The following WWOX variants were observed in gnomAD, a reference collection of about 807,000 sequenced individuals.
WWOX encodes the protein WW domain containing oxidoreductase, also known as WW domain-containing oxidoreductase.
A neutral mutation model predicts 46.2 loss-of-function variants in WWOX; 69 were observed. The ratio of observed to expected loss-of-function variants is 1.49; its 90% confidence interval spans 1.23 to 1.82. The LOEUF (loss-of-function observed/expected upper bound fraction) is 1.82. Ranked by LOEUF, WWOX falls within the 40% of genes most tolerant of loss-of-function variation. WWOX has a pLI of 0.00. For missense variants in WWOX, 919 were observed against 542.6 expected, an observed-to-expected ratio of 1.69 and a Z score of -6.89; for synonymous variants, 359 against 202.6, an observed-to-expected ratio of 1.77 and a Z score of -6.56.
intron 7 of WWOX, among the ~76,000 whole-genome samples, chr16:78,429,786 A>G (rs1002541560): frequency 6.6e-5 from 10 of 152,236 alleles, no homozygotes; most frequent in Admixed American, 3.3e-4. Flanking sequence ...ATTCGATATG[A>G]TAGCTTTACT....
In WWOX at chr16:78,129,278, TAC is replaced by T. The variant is rs2033491915; in HGVS notation, c.409+14128_409+14129del. Among the ~76,000 whole-genome samples, 4 of 148,176 alleles carry T rather than the reference TAC, an allele frequency of 2.7e-5. No homozygotes were observed. In the South Asian group the frequency reaches 8.6e-4, roughly 32 times the overall value. On this transcript the variant is annotated intron_variant, in intron 4 of 8. Coordinates refer to ENST00000566780, the MANE Select transcript of WWOX (RefSeq NM_016373.4). ...TGTTAGTGATTGACTTACCCGAGTG[TAC>T]ACATGTTTGCATCTCACTTGTATGT...
intron 1 of WWOX, among the ~76,000 whole-genome samples, chr16:78,102,590 G>C (rs938880760): frequency 6.6e-6 from 1 of 152,214 alleles, no homozygotes; most frequent in South Asian, 2.1e-4. Flanking sequence ...TTGGGGAAAG[G>C]CTCCTTCTCA....
At chr16:78,515,745 C>G (rs1251026709) in intron 8 of WWOX, among the ~76,000 whole-genome samples, 2 of 152,162 alleles carry the variant, frequency 1.3e-5, no homozygotes, top group Non-Finnish European at 2.9e-5. Context: ...GCGTGTTCAG[C>G]ACTTCTGCAA....
At chr16:78,821,453 G>C (rs1406372009) in intron 8 of WWOX, among the ~76,000 whole-genome samples, 1 of 152,152 alleles carries the variant, frequency 6.6e-6, no homozygotes, top group Non-Finnish European at 1.5e-5. Flanking sequence ...AAGTAGATGA[G>C]TTTCAGGATT....
chr16:78,551,144 A>G lies in WWOX; in HGVS notation c.1056+118392A>G, dbSNP rs530876249. 2.0e-3 allele frequency: 301 copies of G among 152,332 alleles called. 3 individuals carry two copies. The highest frequency in any genetic ancestry group is 6.7e-3 in the African/African-American group (278 of 41,586). The allele number at this position is 152,332 out of a possible 1,614,324, so 9.4% of individuals were successfully genotyped here. A position where few individuals can be genotyped will look rare whatever the true frequency, so the allele number is the denominator to read the frequency against. On this transcript the variant is annotated intron_variant, in intron 8 of 8. Coordinates refer to ENST00000566780, the MANE Select transcript of WWOX (RefSeq NM_016373.4). ...ATGAAACAGATATCCAGTATATTCC[A>G]TGAAACAAATATCATGAATTTATTC...
intron 8 of WWOX, among the ~76,000 whole-genome samples, chr16:78,918,715 G>C (rs1174197730): frequency 6.6e-6 from 1 of 152,104 alleles, no homozygotes; most frequent in Non-Finnish European, 1.5e-5. Flanking sequence ...CTCAGGCCCT[G>C]GAGGAATTTT....
chr16:78,749,340 G>T (rs1024721601), intron 8 of WWOX, among the ~76,000 whole-genome samples: 1 of 152,146 alleles, frequency 6.6e-6, no homozygotes, highest in Non-Finnish European at 1.5e-5. Context: ...TTTCAAGACA[G>T]CTGAAATTCA....
At chr16:78,618,998 C>G (rs1597356522) in intron 8 of WWOX, among the ~76,000 whole-genome samples, 1 of 149,570 alleles carries the variant, frequency 6.7e-6, no homozygotes, top group South Asian at 2.2e-4. Flanking sequence ...TTCCTCAACT[C>G]TTCATTTAAG....
At chr16:78,738,608 C>G (rs116785221) in intron 8 of WWOX, among the ~76,000 whole-genome samples, 1,537 of 152,298 alleles carry the variant, frequency 0.01, 23 homozygotes, top group African/African-American at 0.035. Context: ...AGTCCCTGAA[C>G]AGCCATTTAT....
chr16:78,501,167 G>A, intron 8 of WWOX, among the ~76,000 whole-genome samples: 1 of 85,846 alleles, frequency 1.2e-5, no homozygotes, highest in Non-Finnish European at 2.5e-5. Context: ...TGCAATACAT[G>A]TTTTTCTTTC....
At chr16:79,177,314 G>A (rs150172943) in intron 8 of WWOX, among the ~76,000 whole-genome samples, 2 of 152,088 alleles carry the variant, frequency 1.3e-5, no homozygotes, top group Admixed American at 6.6e-5. Context: ...TGCTCGCTTC[G>A]TTTCGGAGGA....
chr16:79,094,870 C>T (rs1403859095), intron 8 of WWOX, among the ~76,000 whole-genome samples: 1 of 152,100 alleles, frequency 6.6e-6, no homozygotes, highest in Non-Finnish European at 1.5e-5. Flanking sequence ...ACTGTGTCTA[C>T]CCCAGAGTGT....
At chr16:78,425,674 G>C (rs2083059034) in intron 7 of WWOX, among the ~76,000 whole-genome samples, 1 of 152,084 alleles carries the variant, frequency 6.6e-6, no homozygotes, top group African/African-American at 2.4e-5. Flanking sequence ...CAGCATATTT[G>C]TTTCTAGAGT....
At chr16:78,292,490 AG>A (rs770932778) in intron 5 of WWOX, among the ~76,000 whole-genome samples, 2 of 152,232 alleles carry the variant, frequency 1.3e-5, no homozygotes, top group Admixed American at 6.5e-5. Context: ...AACAGAGCCA[AG>A]TATTTTTTAT....
At chr16:79,032,755 CT>C (rs1567502128) in intron 8 of WWOX, among the ~76,000 whole-genome samples, 1 of 151,316 alleles carries the variant, frequency 6.6e-6, no homozygotes, top group African/African-American at 2.4e-5. Context: ...CAGGGTTCTT[CT>C]TTTTTTAAAA....
chr16:78,579,913 C>A (rs951177987), intron 8 of WWOX, among the ~76,000 whole-genome samples: 1 of 152,096 alleles, frequency 6.6e-6, no homozygotes, highest in Admixed American at 6.5e-5. Context: ...TCACTCCGAG[C>A]CATCGACTTC....
chr16:78,742,443 C>A (rs938075022), intron 8 of WWOX, among the ~76,000 whole-genome samples: 1 of 152,174 alleles, frequency 6.6e-6, no homozygotes, highest in Non-Finnish European at 1.5e-5. Context: ...TAGTCAGCAC[C>A]TATGCAGGTT....
At chr16:78,502,457 G>C (rs1022177313) in intron 8 of WWOX, among the ~76,000 whole-genome samples, 1 of 152,128 alleles carries the variant, frequency 6.6e-6, no homozygotes, top group Non-Finnish European at 1.5e-5. Context: ...CTTGTGTCTG[G>C]TTTCTTCCTC....
At chr16:78,930,591 A>G (rs1287415091) in intron 8 of WWOX, among the ~76,000 whole-genome samples, 1 of 146,114 alleles carries the variant, frequency 6.8e-6, no homozygotes, top group African/African-American at 2.5e-5. Flanking sequence ...GCACCAGGCA[A>G]GGACTTTTTT....
Sources: allele counts gnomAD v4.1 joint callset (sites outside exome capture counted in the v4.1 genomes callset), GRCh38; gene constraint gnomAD v4.1.1; transcripts MANE v1.5; gene names NCBI Gene and HGNC (gene_info 2026-07-23, HGNC 2026-07-21).